The following CUL3 variants were observed in gnomAD, a reference collection of about 807,000 sequenced individuals.
CUL3 encodes cullin 3, also known as cullin-3.
Under a neutral mutation model 89.1 loss-of-function variants are expected in CUL3, and 19 were observed. The observed-to-expected ratio is 0.21, with a 90% CI of 0.15 to 0.31. CUL3 has a LOEUF of 0.31. CUL3 is among the 10% of genes least tolerant of loss of function. The pLI is 1.00. For missense variants in CUL3, 469 were observed against 942.3 expected (o/e 0.50, Z 6.58); for synonymous variants, 351 against 308.4 (o/e 1.14, Z -1.45).
chr2:224,571,615 T>A (rs963553874), intron 1 of CUL3, among the ~76,000 whole-genome samples: 7 of 151,912 alleles, frequency 4.6e-5, no homozygotes, highest in African/African-American at 1.7e-4. Flanking sequence ...AAATCTGCTA[T>A]AAGTCTGTTT....
rs1694047009 is a variant in CUL3, at chr2:224,540,139, C to T, written c.265-4498G>A. On this transcript the variant is annotated intron_variant, in intron 2 of 15. Transcript: ENST00000264414. ...TGGCGCAATCTTGGCTCACTGCAAC[C>T]TCTGTCTCCCAGGTTTAAGCCATTA... 3.3e-5 allele frequency among the ~76,000 whole-genome samples: 5 copies of T among 151,378 alleles called. No individual in the cohort carries two copies. In the South Asian group the frequency reaches 8.4e-4, roughly 25 times the overall value.
intron 2 of CUL3, chr2:224,556,466 G>A (rs1694709994): frequency 6.6e-6 from 1 of 152,036 alleles, no homozygotes; most frequent in Non-Finnish European, 1.5e-5. Context: ...GAAACAATCA[G>A]ACACACCAAA....
rs982939031 is a variant in CUL3, at chr2:224,506,930, G to C, written c.957C>G (p.Ser319=). The C allele has an allele frequency of 6.2e-7, 1 of 1,613,366 alleles. No individual in the cohort carries two copies. Among genetic ancestry groups the C allele is most frequent in the East Asian group, 2.2e-5 (1 of 44,798 alleles). The part of the protein sequence containing the change: ...GLKTMCECMS[S]YLREQGKALV... ...GAGCTTTACCTTGCTCCCTCAAATA[G>C]GAACTCATACACTCACACATTGTTT... The change falls in exon 7 of 16, where the codon TCC becomes TCG. Residue 319 remains serine (S), a synonymous_variant. Coordinates refer to ENST00000264414, the MANE Select transcript of CUL3 (RefSeq NM_003590.5).
rs1364338661 is a variant in CUL3, at chr2:224,473,300, C to T, written c.*945G>A. 2.1e-5 allele frequency: 4 copies of T among 192,890 alleles called. No individual in the cohort carries two copies. The highest frequency in any genetic ancestry group is 7.0e-5 in the African/African-American group (3 of 43,106). The allele number at this position is 192,890 out of a possible 1,614,324, so 11.9% of individuals were successfully genotyped here. On this transcript the variant is annotated 3_prime_UTR_variant, in exon 16 of 16. Transcript: ENST00000264414. The stretch of plus-strand genomic sequence containing the variant: ...ATATATATTTAGGGGCAGGGAGGAC[C>T]TAGGGTATTTATAAACAAAGTATAG...
At chr2:224,521,174 T>C (rs1042142700) in intron 3 of CUL3, among the ~76,000 whole-genome samples, 4 of 152,174 alleles carry the variant, frequency 2.6e-5, no homozygotes, top group Non-Finnish European at 5.9e-5. Flanking sequence ...CTAGGATAAA[T>C]GGGTTCTAGG....
chr2:224,542,511 G>GTGTT (rs1223751351), intron 2 of CUL3, among the ~76,000 whole-genome samples: 2 of 150,932 alleles, frequency 1.3e-5, no homozygotes, highest in Non-Finnish European at 3.0e-5. Flanking sequence ...GTGTGTGTGT[G>GTGTT]TGTATGTGTG....
chr2:224,505,020 A>G (rs1692539518), intron 8 of CUL3, among the ~76,000 whole-genome samples: 1 of 152,162 alleles, frequency 6.6e-6, no homozygotes, highest in Non-Finnish European at 1.5e-5. Flanking sequence ...AACCTTCAGA[A>G]CCAGATGAGA....
chr2:224,547,868 TTTACC>T (rs1394356145), intron 2 of CUL3, among the ~76,000 whole-genome samples: 1 of 152,088 alleles, frequency 6.6e-6, no homozygotes, highest in Admixed American at 6.5e-5. Context: ...GAGTCCACAG[TTTACC>T]TTAAAGTTAC....
intron 3 of CUL3, chr2:224,533,014 G>C (rs1574665171): frequency 6.6e-6 from 1 of 152,320 alleles, no homozygotes; most frequent in East Asian, 1.9e-4. Flanking sequence ...GAAATAGAAA[G>C]TAAGATCATT....
chr2:224,527,795 C>G (rs1435247790), intron 3 of CUL3, among the ~76,000 whole-genome samples: 1 of 152,068 alleles, frequency 6.6e-6, no homozygotes, highest in Non-Finnish European at 1.5e-5. Context: ...TTTCATGGAC[C>G]ATATGAGATT....
chr2:224,488,289 G>C (rs1231790905), intron 13 of CUL3, among the ~76,000 whole-genome samples: 1 of 149,916 alleles, frequency 6.7e-6, no homozygotes, highest in Non-Finnish European at 1.5e-5. Context: ...GGAGATAAGA[G>C]AAACAGAAAA....
intron 8 of CUL3, 101 bp from the exon 9 acceptor site, chr2:224,503,923 G>C: frequency 7.8e-6 from 7 of 896,740 alleles, no homozygotes; most frequent in Non-Finnish European, 1.1e-5. Context: ...TGAAAACATA[G>C]ATATCTGGTT....
chr2:224,482,127 T>C (rs2106152826), intron 13 of CUL3, 49 bp from the exon 14 acceptor site: 1 of 1,445,784 alleles, frequency 6.9e-7, no homozygotes, highest in Non-Finnish European at 9.4e-7. Context: ...AAGATTAAAG[T>C]TAGTTAATTA....
At chr2:224,574,210 A>C (rs189276876) in intron 1 of CUL3, among the ~76,000 whole-genome samples, 52 of 152,348 alleles carry the variant, frequency 3.4e-4, no homozygotes, top group Middle Eastern at 3.4e-3. Flanking sequence ...CTCAGCAGTA[A>C]CATTTCTCAT....
chr2:224,584,908 CG>C (rs745407227), intron 1 of CUL3, 35 bp downstream of exon 1: 3 of 1,436,944 alleles, frequency 2.1e-6, no homozygotes, highest in Non-Finnish European at 1.9e-6. Context: ...GCCCGGCCCC[CG>C]GCCCCGGGGT....
At chr2:224,535,104 T>C (rs547169719) in intron 3 of CUL3, among the ~76,000 whole-genome samples, 2 of 152,128 alleles carry the variant, frequency 1.3e-5, no homozygotes, top group East Asian at 3.9e-4. Flanking sequence ...ACAAAGAAAG[T>C]ACTGTTCATT....
chr2:224,499,060 T>C (rs1023325309), intron 11 of CUL3, among the ~76,000 whole-genome samples: 1 of 152,186 alleles, frequency 6.6e-6, no homozygotes, highest in Non-Finnish European at 1.5e-5. Flanking sequence ...TATTTAAAAA[T>C]ACGTATCTCC....
intron 15 of CUL3, among the ~76,000 whole-genome samples, chr2:224,477,645 C>T (rs1371660836): frequency 2.0e-5 from 3 of 152,158 alleles, no homozygotes; most frequent in South Asian, 4.1e-4. Flanking sequence ...AGAAACAAAC[C>T]TCTATCTACT....
chr2:224,573,877 A>T (rs1275533851), intron 1 of CUL3, among the ~76,000 whole-genome samples: 1 of 152,244 alleles, frequency 6.6e-6, no homozygotes, highest in Non-Finnish European at 1.5e-5. Flanking sequence ...AGTTAAAAGT[A>T]TCTAAAACAG....
Sources: gnomAD v4.1 joint callset for allele counts (sites outside exome capture counted in the v4.1 genomes callset) on GRCh38, gnomAD v4.1.1 for gene constraint, MANE v1.5 for transcripts, NCBI Gene and HGNC (gene_info 2026-07-23, HGNC 2026-07-21) for gene names.